ATCAY: variants seen among roughly 807,000 people sequenced by gnomAD.
The protein encoded by ATCAY is caytaxin.
ATCAY carries 22 observed loss-of-function variants against 47.7 expected under a neutral mutation model. The ratio of observed to expected loss-of-function variants is 0.46; its 90% confidence interval spans 0.33 to 0.66. The LOEUF (loss-of-function observed/expected upper bound fraction) is 0.66, where lower values mean the gene tolerates loss of function less well. Ranked by LOEUF, ATCAY falls within the 30% of genes least tolerant of loss-of-function variation. The pLI is 0.02. For missense variants in ATCAY, 452 were observed against 515.0 expected, an observed-to-expected ratio of 0.88 and a Z score of 1.18; for synonymous variants, 216 against 207.6, an observed-to-expected ratio of 1.04 and a Z score of -0.35.
intron 2 of ATCAY, chr19:3,894,996 C>T (rs1475773143): frequency 2.6e-6 from 1 of 383,240 alleles, no homozygotes; most frequent in African/African-American, 2.1e-5. Flanking sequence ...GAGGCCTTCC[C>T]TGACCACCCC....
At chr19:3,903,982 CAAAAAAAAAA>C (rs59631453) in intron 3 of ATCAY, among the ~76,000 whole-genome samples, 5 of 79,062 alleles carry the variant, frequency 6.3e-5, no homozygotes, top group Admixed American at 1.3e-4. Context: ...ACTAAAGATA[CAAAAAAAAAA>C]AAAAAAAAAA....
At chr19:3,921,199 G>A (rs917509949) in intron 12 of ATCAY, among the ~76,000 whole-genome samples, 3 of 152,164 alleles carry the variant, frequency 2.0e-5, no homozygotes, top group African/African-American at 7.2e-5. Flanking sequence ...TTCTCCACCT[G>A]GTTCTGGATG....
At chr19:3,884,455 T>C (rs1175107585) in intron 1 of ATCAY, among the ~76,000 whole-genome samples, 1 of 152,038 alleles carries the variant, frequency 6.6e-6, no homozygotes. Context: ...CTGGTACATA[T>C]GGCAGATAGC....
Position 3,924,859 on chromosome 19 carries a change from T to C in ATCAY, c.*267T>C. On this transcript the variant is annotated 3_prime_UTR_variant, in exon 13 of 13. Transcript: ENST00000450849. The stretch of plus-strand genomic sequence containing the variant: ...CTCACCCTTCCACACTCACGAACTC[T>C]CAGCCGAGGAAGGCAAGAAGCGCAG... The C allele has an allele frequency of 2.2e-6, 1 of 459,900 alleles. No individual in the cohort carries two copies. The highest frequency in any genetic ancestry group is 3.9e-6 in the Non-Finnish European group (1 of 255,522). 28.5% of individuals were successfully genotyped at this position (459,900 alleles called of 1,614,324 possible).
chr19:3,886,004 G>A (rs575947379), intron 2 of ATCAY, among the ~76,000 whole-genome samples, 160 bp downstream of exon 2: 1 of 152,326 alleles, frequency 6.6e-6, no homozygotes, highest in South Asian at 2.1e-4. Flanking sequence ...GGAGGCCTGA[G>A]GCCCTGTGTG....
In ATCAY at chr19:3,885,752, C is replaced by A. The variant is rs1296476961; in HGVS notation, c.-16C>A. 3 of 1,550,584 alleles carry A rather than the reference C, an allele frequency of 1.9e-6. No homozygotes were observed. The highest frequency in any genetic ancestry group is 1.4e-5 in the African/African-American group (1 of 73,088). ...GGGTCATCCCTGCTTCAAGCCAGTG[C>A]CTCTTCCCAGCTCCCATGGGGACCA... On this transcript the variant is annotated 5_prime_UTR_variant, in exon 2 of 13. Transcript: ENST00000450849.
chr19:3,905,698 C>T, intron 4 of ATCAY, 43 bp downstream of exon 4: 1 of 1,529,768 alleles, frequency 6.5e-7, no homozygotes, highest in Non-Finnish European at 9.0e-7. Flanking sequence ...AGCCCACCCC[C>T]CCCACCCCAC....
chr19:3,920,974 G>A (rs948448748), intron 12 of ATCAY, 176 bp downstream of exon 12: 18 of 740,038 alleles, frequency 2.4e-5, no homozygotes, highest in African/African-American at 7.0e-5. Context: ...TGGGGGATAC[G>A]GCACCGGGAA....
chr19:3,905,824 G>A (rs896342787), intron 4 of ATCAY, among the ~76,000 whole-genome samples, 169 bp downstream of exon 4: 2 of 151,970 alleles, frequency 1.3e-5, no homozygotes, highest in Admixed American at 6.6e-5. Context: ...TCATGCCACT[G>A]CACTCCAGCC....
chr19:3,914,359 GC>G (rs903864211), intron 9 of ATCAY, among the ~76,000 whole-genome samples: 2 of 151,874 alleles, frequency 1.3e-5, no homozygotes. Context: ...ATTTGTACAG[GC>G]AAATTCCCCT....
At chr19:3,892,502 A>G (rs975983161) in intron 2 of ATCAY, among the ~76,000 whole-genome samples, 1 of 152,186 alleles carries the variant, frequency 6.6e-6, no homozygotes, top group African/African-American at 2.4e-5. Flanking sequence ...CGCCTGGCCT[A>G]TTTGATATAC....
In ATCAY at chr19:3,903,809, GCCAC is replaced by G. The variant is rs568147215; in HGVS notation, c.136+1265_136+1268del. On this transcript the variant is annotated intron_variant, in intron 3 of 12. Coordinates refer to ENST00000450849, the MANE Select transcript of ATCAY (RefSeq NM_033064.5). Reference sequence around the variant, plus strand: ...CAAAGTGTTGGGATTACGGGCGTGAGCCACTGCACCCGGCCGCCTGTCTCTATTT... The same window carrying G: ...CAAAGTGTTGGGATTACGGGCGTGAGTGCACCCGGCCGCCTGTCTCTATTT... Among the ~76,000 whole-genome samples, 140 of 150,812 alleles carry G rather than the reference GCCAC, an allele frequency of 9.3e-4. 4 individuals are homozygous for G. The East Asian group carries it at 0.022, about 24-fold the overall frequency.
At chr19:3,891,705 T>C (rs1005748068) in intron 2 of ATCAY, among the ~76,000 whole-genome samples, 1 of 151,574 alleles carries the variant, frequency 6.6e-6, no homozygotes, top group African/African-American at 2.4e-5. Context: ...TGGGGAAGGC[T>C]GCGTGGGGAA....
rs1485087641 is a variant in ATCAY at position 3,904,973 on chromosome 19, C to T, written c.137-461C>T. Among the ~76,000 whole-genome samples the T allele has an allele frequency of 2.0e-5, 3 of 152,092 alleles. No individual in the cohort carries two copies. The East Asian group carries it at 5.8e-4, about 29-fold the overall frequency. Reference sequence around the variant, plus strand: ...CTCCTGGGCTCAAGTGATTCTCCTGCCTCAGACTCCCAAGCAGCTGGGATT... The same window carrying T: ...CTCCTGGGCTCAAGTGATTCTCCTGTCTCAGACTCCCAAGCAGCTGGGATT... On this transcript the variant is annotated intron_variant, in intron 3 of 12. Transcript: ENST00000450849.
At position 3,925,532 on chromosome 19, in the gene ATCAY, G is replaced by A. The variant is rs2039059359; in HGVS notation, c.*940G>A. 6.6e-6 allele frequency: 1 copy of A among 152,232 alleles called. No individual in the cohort carries two copies. Among genetic ancestry groups the A allele is most frequent in the African/African-American group, 2.4e-5 (1 of 41,462 alleles). 9.4% of individuals were successfully genotyped at this position (152,232 alleles called of 1,614,324 possible). On this transcript the variant is annotated 3_prime_UTR_variant, in exon 13 of 13. Transcript: ENST00000450849. This position sits in a 1 kb window ranked among gnomAD's most constrained non-coding sequence, Gnocchi z 4.4. ...GTTTGAGTGTTTCAGAAGTCATTCG[G>A]GAAGATAAATCCAGTGCGCTGGCCG...
At chr19:3,916,779 G>C (rs890891441) in intron 9 of ATCAY, among the ~76,000 whole-genome samples, 6 of 150,534 alleles carry the variant, frequency 4.0e-5, no homozygotes, top group African/African-American at 1.2e-4. Flanking sequence ...CACCCAGCCT[G>C]TTTTTTGTTG....
intron 2 of ATCAY, among the ~76,000 whole-genome samples, chr19:3,894,475 C>T (rs2038747151): frequency 7.3e-6 from 1 of 137,400 alleles, no homozygotes; most frequent in South Asian, 2.3e-4. Context: ...CAGAGTGAGA[C>T]TCCGTCTCAA....
intron 1 of ATCAY, among the ~76,000 whole-genome samples, chr19:3,881,876 C>CCCA (rs2038604539): frequency 7.2e-6 from 1 of 139,822 alleles, no homozygotes; most frequent in African/African-American, 2.8e-5. Context: ...GCCCCCCCCC[C>CCCA]GACCCCATAG....
intron 1 of ATCAY, among the ~76,000 whole-genome samples, chr19:3,883,569 A>G (rs1258890449): frequency 6.6e-6 from 1 of 152,184 alleles, no homozygotes; most frequent in African/African-American, 2.4e-5. Flanking sequence ...ATTCTTGGTC[A>G]TGGGCGGCCA....
Sources: allele counts gnomAD v4.1 joint callset (sites outside exome capture counted in the v4.1 genomes callset), GRCh38; gene constraint gnomAD v4.1.1; non-coding constraint Gnocchi (gnomAD v3.1); transcripts MANE v1.5; gene names NCBI Gene and HGNC (gene_info 2026-07-23, HGNC 2026-07-21).